C11orf65: variants seen among roughly 807,000 people sequenced by gnomAD.
C11orf65 encodes chromosome 11 open reading frame 65.
In C11orf65, 38 loss-of-function variants were observed where a neutral mutation model predicts 35.3. That is an observed-to-expected ratio of 1.08 (90% CI 0.83 to 1.41). The LOEUF is 1.41. C11orf65 is among the 40% of genes most tolerant of loss of function. C11orf65 has a pLI of 0.00. For synonymous variants in C11orf65, 105 were observed against 114.4 expected (o/e 0.92, Z 0.53); for missense variants, 370 against 367.1 (o/e 1.01, Z -0.06).
At position 108,383,065 on chromosome 11, in the gene C11orf65, G is replaced by C. The variant is rs143619765; in HGVS notation, c.898C>G (p.Pro300Ala). 13 of 1,611,220 alleles carry C rather than the reference G, an allele frequency of 8.1e-6. No homozygotes were observed. The highest frequency in any genetic ancestry group is 1.1e-5 in the Non-Finnish European group (13 of 1,179,012). The change falls in exon 9 of 9, where the codon CCA becomes GCA. Residue 300 changes from proline (P) to alanine (A), a missense_variant. Pro to Ala is a conservative substitution (Grantham distance 27, BLOSUM62 -1). Coordinates refer to ENST00000393084, the MANE Select transcript of C11orf65 (RefSeq NM_152587.5). ...DTYYENVYQE[P>A]NVTRLTPDST... ...TCAGGCGTTAATCTAGTTACATTTG[G>C]TTCTTGATAAACATTTTCATAGTAA... is the stretch of plus-strand genomic sequence containing the variant.
At position 108,331,942 on chromosome 11, in the gene C11orf65, A is replaced by G. The variant is rs1555124543; in HGVS notation, c.300-375T>C. 3 of 1,614,054 alleles carry G rather than the reference A, an allele frequency of 1.9e-6. No individual in the cohort carries two copies. The highest frequency in any genetic ancestry group is 1.7e-6 in the Non-Finnish European group (2 of 1,179,932). On this transcript the variant is annotated intron_variant, in intron 3 of 3. Transcript: ENST00000524755. ...TTTGTTTATTATACTGGCCTTAGCAAATGCAAACAGAGATGAATTTCTGAC... is the reference window on the plus strand; with the variant it reads ...TTTGTTTATTATACTGGCCTTAGCAGATGCAAACAGAGATGAATTTCTGAC...
intron 6 of C11orf65, among the ~76,000 whole-genome samples, chr11:108,322,148 C>CT (rs533024262): frequency 6.6e-6 from 1 of 151,796 alleles, no homozygotes; most frequent in South Asian, 2.1e-4. Flanking sequence ...GTTTTGTTTT[C>CT]TTTTTTTTCT....
intron 2 of C11orf65, among the ~76,000 whole-genome samples, chr11:108,347,823 C>G (rs967232113): frequency 6.6e-6 from 1 of 151,928 alleles, no homozygotes; most frequent in African/African-American, 2.4e-5. Flanking sequence ...TTGCATTAAA[C>G]TATAGGAAAT....
At chr11:108,387,352 A>T (rs1280465907) in intron 7 of C11orf65, among the ~76,000 whole-genome samples, 2 of 151,210 alleles carry the variant, frequency 1.3e-5, no homozygotes, top group African/African-American at 2.4e-5. Flanking sequence ...ACAGGGTTTC[A>T]CCATGTTGGC....
At chr11:108,458,905 G>GA (rs936180256) in intron 2 of C11orf65, among the ~76,000 whole-genome samples, 1 of 150,810 alleles carries the variant, frequency 6.6e-6, no homozygotes, top group Non-Finnish European at 1.5e-5. Flanking sequence ...AATTATGTGG[G>GA]AAAAAAAAAG....
At chr11:108,419,187 G>T (rs1032652322) in intron 3 of C11orf65, among the ~76,000 whole-genome samples, 5 of 152,116 alleles carry the variant, frequency 3.3e-5, no homozygotes, top group Non-Finnish European at 5.9e-5. Flanking sequence ...TAAATTAGAC[G>T]TTCTGCAGGA....
intron 6 of C11orf65, among the ~76,000 whole-genome samples, chr11:108,396,083 T>G (rs907410687): frequency 6.6e-6 from 1 of 151,924 alleles, no homozygotes; most frequent in African/African-American, 2.4e-5. Flanking sequence ...AAATTTTGAC[T>G]TCATCAGATT....
chr11:108,436,623 T>C (rs554121600), intron 2 of C11orf65, among the ~76,000 whole-genome samples: 1 of 152,258 alleles, frequency 6.6e-6, no homozygotes, highest in Admixed American at 6.5e-5. Flanking sequence ...TATTGTCAAC[T>C]TGACCAAACA....
rs140624315 is a variant in C11orf65 at position 108,403,504 on chromosome 11, T to C, written c.560+1925A>G. Among the ~76,000 whole-genome samples the C allele has an allele frequency of 4.0e-5, 6 of 151,704 alleles. No homozygotes were observed. In the South Asian group the frequency reaches 6.2e-4, roughly 16 times the overall value. On this transcript the variant is annotated intron_variant, in intron 6 of 8. Transcript: ENST00000393084. ...ATGTTTTATCCCGGTCTATGGCTTT[T>C]AATTTTGATAAAGTAAAATTTAAAA... is the stretch of plus-strand genomic sequence containing the variant.
At chr11:108,329,026 A>G (rs1185924377), downstream of C11orf65, 1 of 1,613,786 alleles carries the variant, frequency 6.2e-7, no homozygotes, top group Non-Finnish European at 8.5e-7. Context: ...TGAAGGCAGT[A>G]GAAGTTGCTG....
chr11:108,395,907 C>A (rs2092299264), intron 6 of C11orf65, among the ~76,000 whole-genome samples: 1 of 152,004 alleles, frequency 6.6e-6, no homozygotes, highest in East Asian at 1.9e-4. Context: ...AGGTGTGAGC[C>A]ACCGCGCCCA....
At chr11:108,327,852 G>C, downstream of C11orf65, 1 of 1,009,444 alleles carries the variant, frequency 9.9e-7, no homozygotes, top group Non-Finnish European at 1.5e-6. Context: ...GCAAATAAAA[G>C]TATGGTTTTA....
chr11:108,363,277 C>G (rs1352854628), intron 2 of C11orf65, among the ~76,000 whole-genome samples: 2 of 152,156 alleles, frequency 1.3e-5, no homozygotes, highest in Non-Finnish European at 2.9e-5. Flanking sequence ...GTCACTATTT[C>G]TGAACTGATC....
chr11:108,462,321 A>C (rs557264195), intron 1 of C11orf65, among the ~76,000 whole-genome samples: 151 of 152,336 alleles, frequency 9.9e-4, no homozygotes, highest in African/African-American at 3.3e-3. Flanking sequence ...CTTGGATTAC[A>C]GGCATGAGCC....
At chr11:108,377,747 A>C (rs1045603026) in intron 2 of C11orf65, among the ~76,000 whole-genome samples, 4 of 152,042 alleles carry the variant, frequency 2.6e-5, no homozygotes, top group African/African-American at 7.2e-5. Flanking sequence ...GTCTCAGCCC[A>C]AAATCTCCTT....
chr11:108,422,987 T>C (rs2092842306), intron 3 of C11orf65, among the ~76,000 whole-genome samples: 1 of 151,928 alleles, frequency 6.6e-6, no homozygotes, highest in African/African-American at 2.4e-5. Context: ...TCTTGTATAA[T>C]ATGAGAATAT....
chr11:108,327,848 A>G, downstream of C11orf65: 1 of 1,031,890 alleles, frequency 9.7e-7, no homozygotes, highest in Non-Finnish European at 1.5e-6. Context: ...CAAAGCAAAT[A>G]AAAGTATGGT....
intron 2 of C11orf65, among the ~76,000 whole-genome samples, chr11:108,452,542 A>G (rs1410231551): frequency 6.6e-6 from 1 of 152,216 alleles, no homozygotes; most frequent in Admixed American, 6.5e-5. Flanking sequence ...ACACTTTTAC[A>G]CTGTTGGTGG....
chr11:108,461,460 A>C lies in C11orf65; in HGVS notation c.81+19T>G, dbSNP rs1328878383. 5 of 1,557,660 alleles carry C rather than the reference A, an allele frequency of 3.2e-6. No individual in the cohort carries two copies. Among genetic ancestry groups the C allele is most frequent in the Non-Finnish European group, 4.4e-6 (5 of 1,139,260 alleles). On this transcript the variant is annotated intron_variant, in intron 2 of 8. Transcript: ENST00000393084. ...TGACATAAAAATTATATTTCAATAAAACTTCTAAATAAACTCACAAGGAAA... is the reference window on the plus strand; with the variant it reads ...TGACATAAAAATTATATTTCAATAACACTTCTAAATAAACTCACAAGGAAA...
Sources: gnomAD v4.1 joint callset for allele counts (sites outside exome capture counted in the v4.1 genomes callset) on GRCh38, gnomAD v4.1.1 for gene constraint, MANE v1.5 for transcripts, NCBI Gene and HGNC (gene_info 2026-07-23, HGNC 2026-07-21) for gene names.